Variants in CCZ1 observed in about 807,000 individuals in gnomAD.
CCZ1 encodes CCZ1 vacuolar protein trafficking and biogenesis associated.
In CCZ1, 19 loss-of-function variants were observed where a neutral mutation model predicts 57.8. The observed-to-expected ratio is 0.33, with a 90% CI of 0.23 to 0.48. The LOEUF (loss-of-function observed/expected upper bound fraction) is 0.48, where lower values mean the gene tolerates loss of function less well. Among genes scored for constraint, CCZ1 ranks in the 20% least tolerant of loss-of-function variants. The pLI is 0.99. For synonymous variants in CCZ1, 81 were observed against 167.0 expected (o/e 0.49, Z 3.97); for missense variants, 200 against 492.0 (o/e 0.41, Z 5.61).
At position 5,900,401 on chromosome 7, in the gene CCZ1, T is replaced by C. The variant is rs2528311; in HGVS notation, c.218+20T>C. On this transcript the variant is annotated intron_variant, in intron 2 of 14. Coordinates refer to ENST00000325974, the MANE Select transcript of CCZ1 (RefSeq NM_015622.6). ...TACAAGGTAATACCTCTAAGTGTGC[T>C]TTTAGCGTTCAGTGAATTCTTAAAA... 65,428 of 1,418,464 alleles carry C rather than the reference T, an allele frequency of 0.046. 9,701 individuals are homozygous for C. Among genetic ancestry groups the C allele is most frequent in the Admixed American group, 0.14 (5,969 of 42,308 alleles). The allele number at this position is 1,418,464 out of a possible 1,614,324, so 87.9% of individuals were successfully genotyped here.
In CCZ1 at chr7:5,910,406, G is replaced by A. The variant is rs142342868; in HGVS notation, c.780+290G>A. Among the ~76,000 whole-genome samples the A allele has an allele frequency of 5.9e-4, 87 of 146,798 alleles. 3 individuals carry two copies. The highest frequency in any genetic ancestry group is 2.5e-3 in the South Asian group (11 of 4,426). On this transcript the variant is annotated intron_variant, in intron 8 of 14. Coordinates refer to ENST00000325974, the MANE Select transcript of CCZ1 (RefSeq NM_015622.6). ...TTTTGAGACGGAGTCTCGAACTTTC[G>A]CCTGGGATGGAGAGGTTCAAGCAAT... is the stretch of plus-strand genomic sequence containing the variant.
Position 5,908,424 on chromosome 7 carries a change from G to T in CCZ1, c.699-1611G>T, listed in dbSNP as rs542667608. ...GAGTCTCATTGGCTTGGTTGCCCAGGCTAGAGTGCAGTGATGTGATCTCAG... is the reference window on the plus strand; with the variant it reads ...GAGTCTCATTGGCTTGGTTGCCCAGTCTAGAGTGCAGTGATGTGATCTCAG... On this transcript the variant is annotated intron_variant, in intron 7 of 14. Transcript: ENST00000325974. Among the ~76,000 whole-genome samples, 15 of 147,904 alleles carry T rather than the reference G, an allele frequency of 1.0e-4. No individual in the cohort carries two copies. The South Asian group carries it at 1.1e-3, about 11-fold the overall frequency.
intron 12 of CCZ1, among the ~76,000 whole-genome samples, chr7:5,920,852 C>G (rs1388647961): frequency 1.7e-5 from 2 of 117,850 alleles, no homozygotes; most frequent in Admixed American, 8.4e-5. Context: ...AGTTGAAGTC[C>G]TGCTTTTAAA....
rs544356451 is a variant in CCZ1 at position 5,909,538 on chromosome 7, C to T, written c.699-497C>T. ...CAACGTAGCAAGACCCCCATCTCTA[C>T]ATAAAATACAAAAATTAGCTGATGG... is the stretch of plus-strand genomic sequence containing the variant. On this transcript the variant is annotated intron_variant, in intron 7 of 14. Coordinates refer to ENST00000325974, the MANE Select transcript of CCZ1 (RefSeq NM_015622.6). Among the ~76,000 whole-genome samples, 852 of 147,182 alleles carry T rather than the reference C, an allele frequency of 5.8e-3. 6 individuals are homozygous for T. Among genetic ancestry groups the T allele is most frequent in the Non-Finnish European group, 8.6e-3 (574 of 66,956 alleles).
rs1290134959 is a variant in CCZ1 at position 5,906,064 on chromosome 7, C to CT, written c.698+804dup. Among the ~76,000 whole-genome samples the CT allele has an allele frequency of 8.5e-4, 124 of 145,418 alleles. 1 individual carries two copies. Among genetic ancestry groups the CT allele is most frequent in the Non-Finnish European group, 1.3e-3 (86 of 66,986 alleles). ...ACTTTCTTTTAAAGAAACTAGATTT[C>CT]TTTTTTTTTAATCCAAGAAATCCAA... On this transcript the variant is annotated intron_variant, in intron 7 of 14. Coordinates refer to ENST00000325974, the MANE Select transcript of CCZ1 (RefSeq NM_015622.6).
chr7:5,914,075 G>T lies in CCZ1; in HGVS notation c.954+1121G>T, dbSNP rs922679643. ...CTGCAAAAACAAAACTAGAGGTCTCGAAAGAAACATGATTCCGAGGACAGA... is the reference window on the plus strand; with the variant it reads ...CTGCAAAAACAAAACTAGAGGTCTCTAAAGAAACATGATTCCGAGGACAGA... On this transcript the variant is annotated intron_variant, in intron 10 of 14. Transcript: ENST00000325974. Among the ~76,000 whole-genome samples, 3 of 146,378 alleles carry T rather than the reference G, an allele frequency of 2.0e-5. 1 individual carries two copies. Among genetic ancestry groups the T allele is most frequent in the African/African-American group, 7.6e-5 (3 of 39,550 alleles).
chr7:5,912,373 T>G (rs1779057207), intron 9 of CCZ1, among the ~76,000 whole-genome samples: 1 of 120,870 alleles, frequency 8.3e-6, no homozygotes, highest in Non-Finnish European at 1.7e-5. Context: ...TACTTCAGCA[T>G]ACCCTTTTTT....
chr7:5,909,094 A>C (rs1297136974), intron 7 of CCZ1, among the ~76,000 whole-genome samples: 1 of 125,644 alleles, frequency 8.0e-6, no homozygotes, highest in Non-Finnish European at 1.7e-5. Context: ...CAGCGAGTCC[A>C]ATCCCTTGTG....
intron 7 of CCZ1, among the ~76,000 whole-genome samples, chr7:5,907,014 C>A (rs62453588): frequency 0.098 from 14,188 of 145,394 alleles, 1,300 homozygotes; most frequent in Non-Finnish European, 0.13. Context: ...ATTACAGGTG[C>A]ATACCACAAC....
intron 9 of CCZ1, among the ~76,000 whole-genome samples, chr7:5,912,251 C>G (rs1189654362): frequency 7.4e-6 from 1 of 134,342 alleles, no homozygotes; most frequent in Non-Finnish European, 1.6e-5. Flanking sequence ...ATCCACCATG[C>G]GTGGCCTATT....
At chr7:5,910,012 C>T in intron 7 of CCZ1, 23 bp from the exon 8 acceptor site, 1 of 1,598,218 alleles carries the variant, frequency 6.3e-7, no homozygotes, top group Non-Finnish European at 8.6e-7. Flanking sequence ...AACGTTTAAC[C>T]CAGTGCTTTT....
chr7:5,901,761 C>T lies in CCZ1; in HGVS notation c.438+57C>T, dbSNP rs1028324244. 1.8e-5 allele frequency: 29 copies of T among 1,579,384 alleles called. 1 individual carries two copies. The African/African-American group carries it at 3.3e-4, about 18-fold the overall frequency. ...CCAGCCACTTACCCCTATCTCTAGG[C>T]TCCAGGGTTGTTTAAAGAGAAATCT... On this transcript the variant is annotated intron_variant, in intron 5 of 14. Coordinates refer to ENST00000325974, the MANE Select transcript of CCZ1 (RefSeq NM_015622.6).
chr7:5,898,744 T>C lies in CCZ1; in HGVS notation c.-56T>C, dbSNP rs1781606904. ...GGCGGAAGTGCGGTGTTTTAGCCGG[T>C]GGCTGCTGTCTCTGGGCGGGCCGTG... On this transcript the variant is annotated 5_prime_UTR_variant, in exon 1 of 15. Coordinates refer to ENST00000325974, the MANE Select transcript of CCZ1 (RefSeq NM_015622.6). The C allele has an allele frequency of 1.7e-5, 6 of 348,358 alleles. No individual in the cohort carries two copies. In the East Asian group the frequency reaches 4.5e-4, roughly 26 times the overall value. 21.6% of individuals were successfully genotyped at this position (348,358 alleles called of 1,614,324 possible).
chr7:5,910,731 T>TTTATTTAC (rs1781954863), intron 8 of CCZ1, among the ~76,000 whole-genome samples: 1 of 93,154 alleles, frequency 1.1e-5, no homozygotes, highest in African/African-American at 4.1e-5. Context: ...TATTTATTTA[T>TTTATTTAC]TTATTTATTT....
At chr7:5,902,766 T>G (rs754485492) in intron 6 of CCZ1, 22 bp downstream of exon 6, 1 of 1,588,506 alleles carries the variant, frequency 6.3e-7, no homozygotes, top group Non-Finnish European at 8.5e-7. Context: ...GAATTTCATT[T>G]ATAACTTTAG....
intron 1 of CCZ1, among the ~76,000 whole-genome samples, chr7:5,900,013 A>G (rs1781646011): frequency 6.9e-6 from 1 of 144,522 alleles, no homozygotes; most frequent in Admixed American, 7.1e-5. Context: ...TTGCACAATG[A>G]TGAGATCATT....
At chr7:5,922,506 GC>G (rs1467438981) in intron 12 of CCZ1, among the ~76,000 whole-genome samples, 7 of 120,428 alleles carry the variant, frequency 5.8e-5, no homozygotes, top group African/African-American at 2.4e-4. Flanking sequence ...CCCCATCCAG[GC>G]CCCAGGGTGG....
intron 7 of CCZ1, among the ~76,000 whole-genome samples, chr7:5,905,628 A>T: frequency 6.9e-6 from 1 of 144,610 alleles, no homozygotes; most frequent in Non-Finnish European, 1.5e-5. Context: ...CTAAAAATAC[A>T]AAAAGTAGCT....
intron 7 of CCZ1, among the ~76,000 whole-genome samples, chr7:5,906,195 A>G (rs142194748): frequency 0.026 from 3,816 of 148,192 alleles, 201 homozygotes; most frequent in Non-Finnish European, 0.039. Context: ...GACCCCTGAG[A>G]GCTGGGTGGC....
Sources: gnomAD v4.1 joint callset for allele counts (sites outside exome capture counted in the v4.1 genomes callset) on GRCh38, gnomAD v4.1.1 for gene constraint, MANE v1.5 for transcripts, NCBI Gene and HGNC (gene_info 2026-07-23, HGNC 2026-07-21) for gene names.